Variants in PARD3B observed in about 807,000 individuals in gnomAD.
PARD3B encodes par-3 family cell polarity regulator beta.
Under a neutral mutation model 130.2 loss-of-function variants are expected in PARD3B, and 103 were observed. The ratio of observed to expected loss-of-function variants is 0.79; its 90% confidence interval spans 0.67 to 0.93. PARD3B has a LOEUF of 0.93. Ranked by LOEUF, PARD3B falls within the 40% of genes least tolerant of loss-of-function variation. The probability of loss-of-function intolerance (pLI) is 0.00; values close to 1 mark genes in which losing one functional copy is unlikely to be tolerated. For missense variants in PARD3B, 1,609 were observed against 1,499.2 expected (o/e 1.07, Z -1.21); for synonymous variants, 583 against 553.2 (o/e 1.05, Z -0.76).
chr2:205,459,052 C>T (rs2048364625), intron 20 of PARD3B, among the ~76,000 whole-genome samples: 1 of 152,160 alleles, frequency 6.6e-6, no homozygotes. Context: ...TTCCTATCTT[C>T]CCATCCCTGT....
chr2:205,125,165 C>T lies in PARD3B; in HGVS notation c.1306-444C>T, dbSNP rs1050833568. Among the ~76,000 whole-genome samples, 3 of 152,196 alleles carry T rather than the reference C, an allele frequency of 2.0e-5. No homozygotes were observed. Reference sequence around the variant, plus strand: ...AGAATTTCCCTTAATCTATGATAATCTGGTGACTATAATTTTCTAAATATG... The same window carrying T: ...AGAATTTCCCTTAATCTATGATAATTTGGTGACTATAATTTTCTAAATATG... On this transcript the variant is annotated intron_variant, in intron 9 of 22. Coordinates refer to ENST00000406610, the MANE Select transcript of PARD3B (RefSeq NM_001302769.2). This position sits in a 1 kb window ranked among gnomAD's most constrained non-coding sequence, Gnocchi z 4.0.
intron 1 of PARD3B, among the ~76,000 whole-genome samples, chr2:204,647,480 G>T (rs1476588465): frequency 6.6e-6 from 1 of 150,612 alleles, no homozygotes; most frequent in East Asian, 1.9e-4. Context: ...ATATTTTTTT[G>T]ACATTTCATT....
chr2:204,676,484 C>CT lies in PARD3B; in HGVS notation c.121-9696dup, dbSNP rs2036550017. The stretch of plus-strand genomic sequence containing the variant: ...TTTCCTCTTTCAAGAGCTCAAAGCC[C>CT]TAAGGATCTTTGAGGTTCTAGGTGC... On this transcript the variant is annotated intron_variant, in intron 1 of 22. Transcript: ENST00000406610. Among the ~76,000 whole-genome samples, 2 of 151,978 alleles carry CT rather than the reference C, an allele frequency of 1.3e-5. 1 individual carries two copies. Among genetic ancestry groups the CT allele is most frequent in the South Asian group, 4.1e-4 (2 of 4,824 alleles).
At chr2:205,157,298 T>C (rs1440580597) in intron 10 of PARD3B, among the ~76,000 whole-genome samples, 3 of 152,212 alleles carry the variant, frequency 2.0e-5, no homozygotes. Flanking sequence ...GAAATTGGAA[T>C]CAAATAATGG....
chr2:204,757,849 A>C (rs950347964), intron 2 of PARD3B, among the ~76,000 whole-genome samples: 1 of 152,166 alleles, frequency 6.6e-6, no homozygotes, highest in African/African-American at 2.4e-5. Context: ...CATAAAAGAC[A>C]ATATGAGGAA....
At chr2:205,478,016 G>A (rs115417381) in intron 20 of PARD3B, among the ~76,000 whole-genome samples, 2,093 of 152,324 alleles carry the variant, frequency 0.014, 44 homozygotes, top group African/African-American at 0.046. Flanking sequence ...GCAAGGAGAG[G>A]TTTAATTGGG....
intron 1 of PARD3B, among the ~76,000 whole-genome samples, chr2:204,634,482 A>G (rs2034801535): frequency 6.6e-6 from 1 of 152,216 alleles, no homozygotes; most frequent in East Asian, 1.9e-4. Flanking sequence ...GGATTTAAAC[A>G]AGGACCATGC....
chr2:204,672,919 A>G (rs887370058), intron 1 of PARD3B, among the ~76,000 whole-genome samples: 8 of 152,244 alleles, frequency 5.3e-5, no homozygotes, highest in Non-Finnish European at 1.0e-4. Flanking sequence ...AGTGGCATAC[A>G]CATCAGAAAT....
At chr2:204,944,172 A>T (rs1402666742) in intron 2 of PARD3B, among the ~76,000 whole-genome samples, 1 of 152,238 alleles carries the variant, frequency 6.6e-6, no homozygotes, top group Admixed American at 6.5e-5. Context: ...CCTTTAATAC[A>T]TTAGTCTTGT....
intron 2 of PARD3B, among the ~76,000 whole-genome samples, chr2:204,949,297 T>C (rs1027116354): frequency 6.6e-6 from 1 of 152,044 alleles, no homozygotes; most frequent in Non-Finnish European, 1.5e-5. Context: ...TGTCTTTGTC[T>C]TCCTTTCTTT....
rs555537812 is a variant in PARD3B at position 204,669,842 on chromosome 2, G to T, written c.121-16339G>T. Reference sequence around the variant, plus strand: ...CTTTTACTCCGAGGAATGAAGAGATGCTGTTTTAGATGACAGAATAAACAT... The same window carrying T: ...CTTTTACTCCGAGGAATGAAGAGATTCTGTTTTAGATGACAGAATAAACAT... On this transcript the variant is annotated intron_variant, in intron 1 of 22. Coordinates refer to ENST00000406610, the MANE Select transcript of PARD3B (RefSeq NM_001302769.2). The surrounding 1 kb of genome is among the most constrained non-coding windows in gnomAD (Gnocchi z 4.3). 6.6e-6 allele frequency among the ~76,000 whole-genome samples: 1 copy of T among 152,080 alleles called. No individual in the cohort carries two copies. The highest frequency in any genetic ancestry group is 6.6e-5 in the Admixed American group (1 of 15,258).
chr2:205,459,445 C>T (rs977383278), intron 20 of PARD3B, among the ~76,000 whole-genome samples: 6 of 151,614 alleles, frequency 4.0e-5, no homozygotes, highest in Non-Finnish European at 5.9e-5. Context: ...TAACAGACTT[C>T]GTTGTTAGAA....
intron 20 of PARD3B, among the ~76,000 whole-genome samples, chr2:205,489,392 G>C (rs1476487461): frequency 6.6e-5 from 10 of 151,630 alleles, no homozygotes; most frequent in Admixed American, 6.6e-4. Context: ...CAGGAGGATA[G>C]CTTGAGCTCA....
intron 18 of PARD3B, among the ~76,000 whole-genome samples, chr2:205,364,790 C>A (rs2044535699): frequency 2.0e-5 from 3 of 152,106 alleles, no homozygotes. Context: ...TAATGGAGGC[C>A]TACAATTAGT....
chr2:205,558,152 T>A lies in PARD3B; in HGVS notation c.3260+4749T>A, dbSNP rs918865395. ...AGACAGCAGTGCTATGGAGAGGGGGTTTATAACAGATACAGCATGCTGACT... is the reference window on the plus strand; with the variant it reads ...AGACAGCAGTGCTATGGAGAGGGGGATTATAACAGATACAGCATGCTGACT... On this transcript the variant is annotated intron_variant, in intron 22 of 22. Transcript: ENST00000406610. This position sits in a 1 kb window ranked among gnomAD's most constrained non-coding sequence, Gnocchi z 4.8. Among the ~76,000 whole-genome samples the A allele has an allele frequency of 1.3e-5, 2 of 150,760 alleles. No individual in the cohort carries two copies. The highest frequency in any genetic ancestry group is 1.5e-5 in the Non-Finnish European group (1 of 67,704).
chr2:204,748,418 A>G (rs958200425), intron 2 of PARD3B, among the ~76,000 whole-genome samples: 4 of 152,074 alleles, frequency 2.6e-5, no homozygotes, highest in South Asian at 2.1e-4. Context: ...ATGTCCTGCT[A>G]TGACCTCGTG....
intron 21 of PARD3B, among the ~76,000 whole-genome samples, chr2:205,532,073 C>T (rs1040246101): frequency 2.6e-5 from 4 of 152,158 alleles, no homozygotes; most frequent in South Asian, 4.1e-4. Flanking sequence ...TCTGCGAATG[C>T]GCTGGCATAA....
intron 18 of PARD3B, among the ~76,000 whole-genome samples, chr2:205,355,741 T>A (rs6756234): frequency 0.6 from 90,880 of 152,092 alleles, 30,682 homozygotes; most frequent in South Asian, 0.77. Context: ...GGAAAGAGGT[T>A]TAATTGGCTC....
intron 2 of PARD3B, among the ~76,000 whole-genome samples, chr2:204,690,354 A>G (rs2037298915): frequency 6.6e-6 from 1 of 152,172 alleles, no homozygotes; most frequent in Non-Finnish European, 1.5e-5. Context: ...ACCTGTGAAT[A>G]TGAATGTTAC....
Sources: allele counts gnomAD v4.1 joint callset (sites outside exome capture counted in the v4.1 genomes callset), GRCh38; gene constraint gnomAD v4.1.1; non-coding constraint Gnocchi (gnomAD v3.1); transcripts MANE v1.5; gene names NCBI Gene and HGNC (gene_info 2026-07-23, HGNC 2026-07-21).